The following GABRR2 variants were observed in gnomAD, a reference collection of about 807,000 sequenced individuals.
GABRR2 encodes the protein gamma-aminobutyric acid receptor subunit rho-2.
GABRR2 carries 36 observed loss-of-function variants against 47.0 expected under a neutral mutation model. The observed-to-expected ratio is 0.77, with a 90% confidence interval of 0.59 to 1.01. GABRR2 has a LOEUF of 1.01. Among genes scored for constraint, GABRR2 ranks in the 50% least tolerant of loss-of-function variants. The probability of loss-of-function intolerance (pLI) is 0.00; values close to 1 mark genes in which losing one functional copy is unlikely to be tolerated. For synonymous variants in GABRR2, 204 were observed against 227.5 expected (o/e 0.90, Z 0.93); for missense variants, 587 against 594.6 (o/e 0.99, Z 0.13).
At chr6:89,292,884 G>T (rs187135220) in intron 2 of GABRR2, among the ~76,000 whole-genome samples, 144 of 139,654 alleles carry the variant, frequency 1.0e-3, no homozygotes, top group South Asian at 1.1e-3. Flanking sequence ...ATCATATATA[G>T]AGAGAAATGA....
At chr6:89,299,716 T>G (rs758465099) in intron 2 of GABRR2, 43 bp downstream of exon 2, 44 of 1,387,438 alleles carry the variant, frequency 3.2e-5, no homozygotes, top group Non-Finnish European at 4.1e-5. Context: ...ATCACATCCC[T>G]GGGGCCAACC....
chr6:89,301,975 C>T, intron 1 of GABRR2: 2 of 805,516 alleles, frequency 2.5e-6, no homozygotes, highest in Non-Finnish European at 2.1e-6. Context: ...TCGGGCCATT[C>T]GTCGACCTGG....
At chr6:89,267,924 T>C in intron 5 of GABRR2, 90 bp downstream of exon 5, 1 of 1,565,966 alleles carries the variant, frequency 6.4e-7, no homozygotes, top group Admixed American at 1.7e-5. Context: ...GTCTTAACGC[T>C]GGCGGGCAGT....
intron 2 of GABRR2, among the ~76,000 whole-genome samples, chr6:89,276,142 AATT>A (rs1482085918): frequency 1.4e-5 from 2 of 147,646 alleles, no homozygotes; most frequent in East Asian, 1.9e-4. Flanking sequence ...ATACATTATA[AATT>A]ATTATTTATA....
At chr6:89,314,797 G>T (rs749066611) in intron 1 of GABRR2, among the ~76,000 whole-genome samples, 2 of 152,168 alleles carry the variant, frequency 1.3e-5, no homozygotes, top group Non-Finnish European at 2.9e-5. Context: ...ATTTATATCT[G>T]CCTCAAATCA....
At chr6:89,299,529 A>G (rs897067372) in intron 2 of GABRR2, among the ~76,000 whole-genome samples, 1 of 152,184 alleles carries the variant, frequency 6.6e-6, no homozygotes, top group African/African-American at 2.4e-5. Context: ...TCCTTTGTGA[A>G]TGTAAATGGC....
chr6:89,305,242 C>G (rs959521608), intron 1 of GABRR2, among the ~76,000 whole-genome samples: 3 of 152,218 alleles, frequency 2.0e-5, no homozygotes, highest in African/African-American at 7.2e-5. Context: ...GTAATCCCAG[C>G]TACACAGGAG....
At chr6:89,286,693 A>G (rs1023929850) in intron 2 of GABRR2, among the ~76,000 whole-genome samples, 1 of 152,068 alleles carries the variant, frequency 6.6e-6, no homozygotes, top group African/African-American at 2.4e-5. Flanking sequence ...TGGGGTCCTT[A>G]AGTACCAGGC....
chr6:89,276,125 A>G (rs1774155568), intron 2 of GABRR2, among the ~76,000 whole-genome samples: 1 of 147,702 alleles, frequency 6.8e-6, no homozygotes, highest in Non-Finnish European at 1.5e-5. Context: ...ATCATTATTT[A>G]TATTATATAC....
chr6:89,277,243 G>A (rs150050094), intron 2 of GABRR2, among the ~76,000 whole-genome samples: 32 of 152,212 alleles, frequency 2.1e-4, no homozygotes, highest in East Asian at 9.6e-4. Context: ...GCACTTCTCC[G>A]TCCTGCTGCC....
Position 89,267,670 on chromosome 6 carries a change from G to T in GABRR2, c.736+9C>A, listed in dbSNP as rs1355401761. On this transcript the variant is annotated intron_variant, in intron 6 of 8. Transcript: ENST00000402938. The stretch of plus-strand genomic sequence containing the variant: ...ACATTTGAATCAGATTGTGGCAAAA[G>T]ATAGCTACCAGTGCTGCTGTAGAAG... The T allele has an allele frequency of 6.2e-6, 10 of 1,607,736 alleles. No individual in the cohort carries two copies. Among genetic ancestry groups the T allele is most frequent in the Non-Finnish European group, 7.6e-6 (9 of 1,177,780 alleles).
chr6:89,268,496 C>T (rs1300518525), intron 4 of GABRR2, among the ~76,000 whole-genome samples: 1 of 152,132 alleles, frequency 6.6e-6, no homozygotes, highest in Non-Finnish European at 1.5e-5. Flanking sequence ...GTGAACTGTA[C>T]AAGCAGACCA....
intron 8 of GABRR2, among the ~76,000 whole-genome samples, chr6:89,259,082 C>T (rs116717425): frequency 0.015 from 2,326 of 151,928 alleles, 78 homozygotes; most frequent in African/African-American, 0.053. Context: ...GAAATGGTTT[C>T]GCTTGACTTC....
chr6:89,301,883 G>A (rs1767447795), intron 1 of GABRR2: 2 of 1,144,924 alleles, frequency 1.7e-6, no homozygotes, highest in South Asian at 1.2e-5. Context: ...GACCCCAGCG[G>A]CAACTACGTG....
intron 1 of GABRR2, among the ~76,000 whole-genome samples, chr6:89,310,135 G>A (rs1767655649): frequency 6.6e-6 from 1 of 151,902 alleles, no homozygotes; most frequent in African/African-American, 2.4e-5. Flanking sequence ...GTATCATATA[G>A]AATAGTTTCA....
chr6:89,303,367 G>A (rs1323409220), intron 1 of GABRR2, among the ~76,000 whole-genome samples: 1 of 151,722 alleles, frequency 6.6e-6, no homozygotes, highest in Non-Finnish European at 1.5e-5. Flanking sequence ...TTTTTTACTG[G>A]TTTGTGTTTA....
intron 2 of GABRR2, among the ~76,000 whole-genome samples, chr6:89,278,721 T>G (rs1342916626): frequency 6.6e-6 from 1 of 152,230 alleles, no homozygotes; most frequent in African/African-American, 2.4e-5. Context: ...CTTTCTGCTT[T>G]GTCAGCCTCC....
At chr6:89,264,691 C>G in intron 7 of GABRR2, 83 bp from the exon 8 acceptor site, 1 of 1,517,904 alleles carries the variant, frequency 6.6e-7, no homozygotes, top group East Asian at 2.3e-5. Context: ...TTTACACTCT[C>G]TATCTCTTAA....
intron 1 of GABRR2, among the ~76,000 whole-genome samples, chr6:89,300,188 G>T (rs1774642290): frequency 6.6e-6 from 1 of 152,126 alleles, no homozygotes; most frequent in African/African-American, 2.4e-5. Flanking sequence ...AGAAGAAAAG[G>T]GAGAAGATCA....
Sources: gnomAD v4.1 joint callset for allele counts (sites outside exome capture counted in the v4.1 genomes callset) on GRCh38, gnomAD v4.1.1 for gene constraint, MANE v1.5 for transcripts, NCBI Gene and HGNC (gene_info 2026-07-23, HGNC 2026-07-21) for gene names.